The following EP400 variants were observed in gnomAD, a reference collection of about 807,000 sequenced individuals.
EP400 encodes the protein E1A binding protein p400.
A neutral mutation model predicts 354.1 loss-of-function variants in EP400; 105 were observed. The ratio of observed to expected loss-of-function variants is 0.30; its 90% confidence interval spans 0.25 to 0.35. The LOEUF (loss-of-function observed/expected upper bound fraction) is 0.35. Ranked by LOEUF, EP400 falls within the 10% of genes least tolerant of loss-of-function variation. EP400 has a pLI of 1.00. For missense variants in EP400, 3,280 were observed against 4,121.0 expected, an observed-to-expected ratio of 0.80 and a Z score of 5.59; for synonymous variants, 1,646 against 1,716.9, an observed-to-expected ratio of 0.96 and a Z score of 1.02.
At chr12:132,037,046 T>G (rs1894742985) in intron 30 of EP400, among the ~76,000 whole-genome samples, 1 of 152,168 alleles carries the variant, frequency 6.6e-6, no homozygotes, top group South Asian at 2.1e-4. Flanking sequence ...AGGTTTAGCA[T>G]TTAGCATTTT....
At chr12:132,009,945 G>A (rs569825675) in intron 15 of EP400, among the ~76,000 whole-genome samples, 2 of 151,052 alleles carry the variant, frequency 1.3e-5, no homozygotes, top group Non-Finnish European at 3.0e-5. Flanking sequence ...AAAGTGCTGG[G>A]ATTAGAGAGA....
intron 39 of EP400, among the ~76,000 whole-genome samples, chr12:132,049,107 A>T (rs1472844448): frequency 1.3e-5 from 2 of 152,212 alleles, no homozygotes; most frequent in African/African-American, 4.8e-5. Flanking sequence ...TGATAGTGAC[A>T]GTGGTCGGAT....
At chr12:132,024,579 T>C (rs541953274) in intron 24 of EP400, among the ~76,000 whole-genome samples, 4 of 152,290 alleles carry the variant, frequency 2.6e-5, no homozygotes, top group African/African-American at 9.6e-5. Flanking sequence ...TTAAAAAAAG[T>C]GAGGGAGAGG....
At chr12:131,950,230 GGCCCGGGTCTTTCGAGTCGTAGC>G (rs1308876336) in intron 1 of EP400, among the ~76,000 whole-genome samples, 194 bp downstream of exon 1, 5 of 152,022 alleles carry the variant, frequency 3.3e-5, no homozygotes, top group Admixed American at 6.6e-5. Flanking sequence ...AGGGCTCACG[GGCCCGGGTCTTTCGAGTCGTAGC>G]GCCCGTCCCC....
At chr12:131,996,315 A>G (rs1217444260) in intron 12 of EP400, among the ~76,000 whole-genome samples, 2 of 101,804 alleles carry the variant, frequency 2.0e-5, no homozygotes, top group Non-Finnish European at 3.5e-5. Flanking sequence ...TTTTTTTGAG[A>G]TGGAGTCTCG....
intron 50 of EP400, 184 bp from the exon 51 acceptor site, chr12:132,069,311 G>T: frequency 2.5e-6 from 2 of 799,422 alleles, no homozygotes; most frequent in Admixed American, 6.1e-5. Flanking sequence ...ATGGGCAGAG[G>T]TAGGCCTGGA....
chr12:132,071,757 T>C (rs1232473449), intron 51 of EP400, among the ~76,000 whole-genome samples: 2 of 152,180 alleles, frequency 1.3e-5, no homozygotes, highest in African/African-American at 4.8e-5. Flanking sequence ...CTGCACTTGC[T>C]CCTCTGCACC....
chr12:132,011,071 GTT>G, intron 15 of EP400, among the ~76,000 whole-genome samples: 1 of 152,364 alleles, frequency 6.6e-6, no homozygotes. Flanking sequence ...ACAAAACACA[GTT>G]TAGACGCCTG....
At chr12:132,028,444 G>A (rs1260006209) in intron 27 of EP400, among the ~76,000 whole-genome samples, 156 bp downstream of exon 27, 1 of 152,180 alleles carries the variant, frequency 6.6e-6, no homozygotes, top group Non-Finnish European at 1.5e-5. Context: ...GAGGTCTTCA[G>A]CTTTGGGATC....
At chr12:132,023,590 T>C (rs1161034311) in intron 23 of EP400, among the ~76,000 whole-genome samples, 187 bp from the exon 24 acceptor site, 1 of 152,218 alleles carries the variant, frequency 6.6e-6, no homozygotes, top group East Asian at 1.9e-4. Context: ...ATCTGACATT[T>C]TGTTTTCTCT....
intron 3 of EP400, 84 bp downstream of exon 3, chr12:131,979,877 A>G: frequency 8.9e-7 from 1 of 1,121,196 alleles, no homozygotes; most frequent in Non-Finnish European, 1.2e-6. Context: ...GTTTCTGAAG[A>G]GCAGTTGCTA....
intron 32 of EP400, among the ~76,000 whole-genome samples, chr12:132,040,996 TG>T (rs35941944): frequency 6.6e-6 from 1 of 151,934 alleles, no homozygotes; most frequent in Non-Finnish European, 1.5e-5. Context: ...GGGGGACATG[TG>T]GGGGCAGCAG....
intron 12 of EP400, among the ~76,000 whole-genome samples, chr12:132,000,626 G>A (rs1893376223): frequency 6.6e-6 from 1 of 152,134 alleles, no homozygotes; most frequent in Admixed American, 6.5e-5. Flanking sequence ...TATGTATTTT[G>A]AGACTATGTT....
At chr12:131,972,616 G>A (rs770759043) in intron 2 of EP400, among the ~76,000 whole-genome samples, 12 of 151,032 alleles carry the variant, frequency 7.9e-5, no homozygotes, top group Non-Finnish European at 1.6e-4. Flanking sequence ...AGACAGGCAC[G>A]CATTTATTTA....
rs1463738995 is a variant in EP400, at chr12:132,043,818, A to G, written c.6450+90A>G. The G allele has an allele frequency of 4.0e-5, 47 of 1,189,410 alleles. 1 individual carries two copies. In the Admixed American group the frequency reaches 1.2e-3, roughly 29 times the overall value. 73.7% of individuals were successfully genotyped at this position (1,189,410 alleles called of 1,614,324 possible). ...GAAGTAAATGTGACTTCATTAAATT[A>G]AAGTCACAAAAGCCAAAACCCACAA... On this transcript the variant is annotated intron_variant, in intron 34 of 52. Coordinates refer to ENST00000389561, the MANE Select transcript of EP400 (RefSeq NM_015409.5).
At chr12:131,997,924 A>G (rs1893271494) in intron 12 of EP400, among the ~76,000 whole-genome samples, 1 of 152,224 alleles carries the variant, frequency 6.6e-6, no homozygotes, top group African/African-American at 2.4e-5. Flanking sequence ...TGAATTTGTC[A>G]ATCTTGTTCA....
intron 39 of EP400, among the ~76,000 whole-genome samples, chr12:132,049,752 T>G (rs896746455): frequency 6.6e-6 from 1 of 152,168 alleles, no homozygotes; most frequent in Non-Finnish European, 1.5e-5. Flanking sequence ...GCTTTAAAAT[T>G]CTGCAGGATT....
intron 38 of EP400, 58 bp downstream of exon 38, chr12:132,045,618 T>G (rs1360538101): frequency 6.2e-7 from 1 of 1,606,058 alleles, no homozygotes; most frequent in African/African-American, 1.3e-5. Flanking sequence ...CTAACGCACG[T>G]CCGTGCATCC....
At chr12:131,987,982 A>AT in intron 7 of EP400, 92 bp downstream of exon 7, 4 of 628,606 alleles carry the variant, frequency 6.4e-6, no homozygotes, top group South Asian at 6.5e-5. Context: ...CTCCAGACCC[A>AT]CTTTTTTTTT....
Sources: allele counts gnomAD v4.1 joint callset (sites outside exome capture counted in the v4.1 genomes callset), GRCh38; gene constraint gnomAD v4.1.1; transcripts MANE v1.5; gene names NCBI Gene and HGNC (gene_info 2026-07-23, HGNC 2026-07-21).